The following ARMCX1 variants were observed in gnomAD, a reference collection of about 807,000 sequenced individuals.
ARMCX1 encodes armadillo repeat containing X-linked 1.
ARMCX1 carries 4 observed loss-of-function variants against 15.4 expected under a neutral mutation model. The observed-to-expected ratio is 0.26, with a 90% confidence interval of 0.13 to 0.59. The LOEUF (loss-of-function observed/expected upper bound fraction) is 0.59. Ranked by LOEUF, ARMCX1 falls within the 20% of genes least tolerant of loss-of-function variation. The pLI is 0.89. For missense variants in ARMCX1, 273 were observed against 337.1 expected (o/e 0.81, Z 1.49); for synonymous variants, 144 against 130.5 (o/e 1.10, Z -0.71).
rs1935404529 is a variant in ARMCX1, at chrX:101,553,393, A to T, written c.463A>T (p.Thr155Ser). 8.4e-7 allele frequency: 1 copy of T among 1,189,462 alleles called. No individual in the cohort carries two copies. The highest frequency in any genetic ancestry group is 3.0e-5 in the East Asian group (1 of 33,676). Residue 155 changes from threonine (T) to serine (S), a missense_variant, in exon 4 of 4, where the codon ACC (threonine) becomes TCC (serine). Thr to Ser is a moderately conservative substitution (Grantham distance 58). Coordinates refer to ENST00000372829, the MANE Select transcript of ARMCX1 (RefSeq NM_016608.2). ...PGGRGGGCHP[T>S]RSGSRAGGRA... ...AGGCAGGGGTGGAGGCTGCCACCCC[A>T]CCAGGAGTGGATCTAGGGCCGGGGG...
chrX:101,554,289 C>T lies in ARMCX1; in HGVS notation c.1359C>T (p.Leu453=). The change falls in exon 4 of 4, where the codon CTC becomes CTT. Residue 453 remains leucine, a synonymous_variant. Transcript: ENST00000372829. ...AAGTCCTGAAAGTATTAACCAAACT[C>T]TAATTTGGAGTCTGTCCCAAACAAT... ...KVKVLKVLTK[L] 8.5e-7 allele frequency: 1 copy of T among 1,174,749 alleles called. No individual in the cohort carries two copies. The highest frequency in any genetic ancestry group is 1.1e-6 in the Non-Finnish European group (1 of 880,366).
intron 2 of ARMCX1, 118 bp from the exon 3 acceptor site, chrX:101,551,451 A>G (rs1556026924): frequency 9.0e-6 from 1 of 111,358 alleles, no homozygotes; most frequent in Admixed American, 9.5e-5. Flanking sequence ...GAGAAACAAA[A>G]AGGTAAAATC....
Position 101,553,958 on chromosome X carries a change from C to T in ARMCX1, c.1028C>T (p.Thr343Ile), listed in dbSNP as rs1935408993. 8.3e-7 allele frequency: 1 copy of T among 1,208,272 alleles called. No individual in the cohort carries two copies. Among genetic ancestry groups the T allele is most frequent in the Non-Finnish European group, 1.1e-6 (1 of 894,357 alleles). The change falls in exon 4 of 4, where the codon ACC becomes ATC. Residue 343 changes from threonine (T) to isoleucine (I), a missense_variant. By Grantham distance (89) the Thr-to-Ile change is moderately conservative (BLOSUM62 -1). This residue lies in a region of ARMCX1 where 126 missense variants were observed against 193.6 expected (regional missense o/e 0.65). Transcript: ENST00000372829. ...TTGTTATTCCTGGGAAATCACTTCA[C>T]CAAGATACAGATTATGAAACTAATT... ...FALLFLGNHF[T>I]KIQIMKLIIN...
chrX:101,552,968 G>C lies in ARMCX1; in HGVS notation c.38G>C (p.Gly13Ala). ...RTREAGCVAA[G>A]VVIGAGACYC... ...CGGGAAGCTGGCTGCGTGGCCGCTG[G>C]TGTGGTTATCGGGGCTGGTGCCTGC... Residue 13 changes from glycine (G) to alanine (A), a missense_variant, in exon 4 of 4, where the codon GGT (glycine) becomes GCT (alanine). Physicochemically the swap from Gly to Ala is moderately conservative, Grantham distance 60 (BLOSUM62 0). This residue lies in a region of ARMCX1 where 147 missense variants were observed against 143.5 expected (regional missense o/e 1.02). Transcript: ENST00000372829. 7 of 1,211,855 alleles carry C rather than the reference G, an allele frequency of 5.8e-6. No individual in the cohort carries two copies. Among genetic ancestry groups the C allele is most frequent in the Non-Finnish European group, 7.8e-6 (7 of 895,495 alleles).
In ARMCX1 at chrX:101,553,941, C is replaced by G. The variant is rs1935408934; in HGVS notation, c.1011C>G (p.Phe337Leu). 8.3e-7 allele frequency: 1 copy of G among 1,210,003 alleles called. No individual in the cohort carries two copies. The highest frequency in any genetic ancestry group is 1.8e-5 in the South Asian group (1 of 56,585). The change falls in exon 4 of 4, where the codon TTC becomes TTG. Residue 337 changes from phenylalanine (F) to leucine (L), a missense_variant. Physicochemically the swap from Phe to Leu is conservative, Grantham distance 22. Transcript: ENST00000372829. ...YSFPDFFALLFLGNHFTKIQI... is the reference protein window; with the variant it reads ...YSFPDFFALLLLGNHFTKIQI... ...TTCCAGACTTTTTTGCTTTGTTATTCCTGGGAAATCACTTCACCAAGATAC... is the reference window on the plus strand; with the variant it reads ...TTCCAGACTTTTTTGCTTTGTTATTGCTGGGAAATCACTTCACCAAGATAC...
At position 101,554,379 on chromosome X, in the gene ARMCX1, G is replaced by A; in HGVS notation, c.*87G>A. 2 of 919,292 alleles carry A rather than the reference G, an allele frequency of 2.2e-6. No individual in the cohort carries two copies. The highest frequency in any genetic ancestry group is 2.0e-5 in the African/African-American group (1 of 50,530). The allele number at this position is 919,292 out of a possible 1,213,427, so 75.8% of individuals were successfully genotyped here. Reference sequence around the variant, plus strand: ...TCTTTGTTTTTCATTGTGCGTATATGGTAAAGAGATCTTTTCAGCTGCTAT... The same window carrying A: ...TCTTTGTTTTTCATTGTGCGTATATAGTAAAGAGATCTTTTCAGCTGCTAT... On this transcript the variant is annotated 3_prime_UTR_variant, in exon 4 of 4. Coordinates refer to ENST00000372829, the MANE Select transcript of ARMCX1 (RefSeq NM_016608.2).
Position 101,554,361 on chromosome X carries a change from T to G in ARMCX1, c.*69T>G, listed in dbSNP as rs1603235121. On this transcript the variant is annotated 3_prime_UTR_variant, in exon 4 of 4. Transcript: ENST00000372829. ...ACGATGTGATTTGTAAATTCTTTGT[T>G]TTTCATTGTGCGTATATGGTAAAGA... 9.6e-7 allele frequency: 1 copy of G among 1,040,869 alleles called. No individual in the cohort carries two copies. The highest frequency in any genetic ancestry group is 3.0e-5 in the East Asian group (1 of 32,838). The allele number at this position is 1,040,869 out of a possible 1,213,427, so 85.8% of individuals were successfully genotyped here. A position where few individuals can be genotyped will look rare whatever the true frequency, so the allele number is the denominator to read the frequency against.
At chrX:101,552,284 C>T (rs183070830) in intron 3 of ARMCX1, among the ~76,000 whole-genome samples, 68 of 110,438 alleles carry the variant, frequency 6.2e-4, no homozygotes, top group African/African-American at 2.0e-3. Flanking sequence ...TCCAAAGCCG[C>T]AGCTCTGTGA....
In ARMCX1 at chrX:101,554,115, T is replaced by G; in HGVS notation, c.1185T>G (p.Asn395Lys). The change falls in exon 4 of 4, where the codon AAT becomes AAG. Residue 395 changes from asparagine to lysine, a missense_variant. By Grantham distance (94) the Asn-to-Lys change is moderately conservative. Coordinates refer to ENST00000372829, the MANE Select transcript of ARMCX1 (RefSeq NM_016608.2). ...TTAATATCCTTACCCTATTTGAGAATATAAATGACAACATAAAAAATGAAG... is the reference window on the plus strand; with the variant it reads ...TTAATATCCTTACCCTATTTGAGAAGATAAATGACAACATAAAAAATGAAG... Reference protein sequence around the residue: ...ILLNILTLFENINDNIKNEGL... With the variant: ...ILLNILTLFEKINDNIKNEGL... 3 of 1,208,862 alleles carry G rather than the reference T, an allele frequency of 2.5e-6. No homozygotes were observed. The highest frequency in any genetic ancestry group is 3.4e-6 in the Non-Finnish European group (3 of 894,288).
intron 2 of ARMCX1, 132 bp downstream of exon 2, chrX:101,551,156 G>A (rs1285547491): frequency 9.0e-6 from 1 of 110,918 alleles, no homozygotes; most frequent in Non-Finnish European, 1.9e-5. Context: ...AGTAAAAGAG[G>A]ATGTAACAGT....
Position 101,552,252 on chromosome X carries a change from A to G in ARMCX1, c.-122-557A>G, listed in dbSNP as rs782033946. On this transcript the variant is annotated intron_variant, in intron 3 of 3. Transcript: ENST00000372829. Reference sequence around the variant, plus strand: ...GGGTTAGAGGAATCATCGAAGGAGGAAGAGGGAGGGAGATAATGAATTCCA... The same window carrying G: ...GGGTTAGAGGAATCATCGAAGGAGGGAGAGGGAGGGAGATAATGAATTCCA... 7.0e-4 allele frequency among the ~76,000 whole-genome samples: 77 copies of G among 110,441 alleles called. 1 individual carries two copies. Among genetic ancestry groups the G allele is most frequent in the African/African-American group, 1.9e-3 (59 of 30,403 alleles).
intron 2 of ARMCX1, 77 bp downstream of exon 2, chrX:101,551,101 C>G (rs782810245): frequency 3.6e-5 from 4 of 111,194 alleles, no homozygotes; most frequent in African/African-American, 1.3e-4. Context: ...AACTTGGGCC[C>G]TTTACCGACT....
rs1935401825 is a variant in ARMCX1, at chrX:101,553,219, G to A, written c.289G>A (p.Gly97Arg). ...GGGTGTAAAAGAGAAGGCCCATTCA[G>A]GATCCCACAGCGGAGGTGGCCTAGA... ...CPGVKEKAHS[G>R]SHSGGGLEAK... The change falls in exon 4 of 4, where the codon GGA (glycine) becomes AGA (arginine). Residue 97 changes from glycine to arginine, a missense_variant. This residue lies in a region of ARMCX1 where 147 missense variants were observed against 143.5 expected (regional missense o/e 1.02). Coordinates refer to ENST00000372829, the MANE Select transcript of ARMCX1 (RefSeq NM_016608.2). 8.2e-7 allele frequency: 1 copy of A among 1,212,220 alleles called. No homozygotes were observed. The highest frequency in any genetic ancestry group is 1.1e-6 in the Non-Finnish European group (1 of 895,609).
In ARMCX1 at chrX:101,552,850, C is replaced by T; in HGVS notation, c.-81C>T. ...GCCGGCCCGCAGTAGCTGCAGACTC[C>T]GCCCGCGACGTGTGCGCGCTTCTCT... is the stretch of plus-strand genomic sequence containing the variant. On this transcript the variant is annotated 5_prime_UTR_variant, in exon 4 of 4. Transcript: ENST00000372829. 1 of 1,100,069 alleles carries T rather than the reference C, an allele frequency of 9.1e-7. No homozygotes were observed. The highest frequency in any genetic ancestry group is 1.2e-6 in the Non-Finnish European group (1 of 826,319). 90.7% of individuals were successfully genotyped at this position (1,100,069 alleles called of 1,213,427 possible). A position where few individuals can be genotyped will look rare whatever the true frequency, so the allele number is the denominator to read the frequency against.
In ARMCX1 at chrX:101,553,887, T is replaced by A; in HGVS notation, c.957T>A (p.Asn319Lys). ...LRLLTNMTVT[N>K]HYQHLLSYSF... ...TGTTAACCAACATGACTGTGACTAA[T>A]CATTACCAACATTTGCTTTCCTATT... is the stretch of plus-strand genomic sequence containing the variant. Residue 319 changes from asparagine to lysine, a missense_variant, in exon 4 of 4, where the codon AAT (asparagine) becomes AAA (lysine). Around this residue, in one of 2 missense-constraint regions of ARMCX1, gnomAD observed 126 missense variants for 193.6 expected, o/e 0.65. Coordinates refer to ENST00000372829, the MANE Select transcript of ARMCX1 (RefSeq NM_016608.2). 8.3e-7 allele frequency: 1 copy of A among 1,211,904 alleles called. No homozygotes were observed. Among genetic ancestry groups the A allele is most frequent in the Non-Finnish European group, 1.1e-6 (1 of 895,552 alleles).
At chrX:101,552,250 G>A (rs975967354) in intron 3 of ARMCX1, among the ~76,000 whole-genome samples, 3 of 110,993 alleles carry the variant, frequency 2.7e-5, no homozygotes, top group Non-Finnish European at 3.8e-5. Context: ...CATCGAAGGA[G>A]GAAGAGGGAG....
rs1556027473 is a variant in ARMCX1 at position 101,553,878 on chromosome X, T to C, written c.948T>C (p.Thr316=). 2 of 1,211,946 alleles carry C rather than the reference T, an allele frequency of 1.7e-6. No individual in the cohort carries two copies. The highest frequency in any genetic ancestry group is 2.2e-6 in the Non-Finnish European group (2 of 895,552). ...MAGLRLLTNM[T]VTNHYQHLLS... The stretch of plus-strand genomic sequence containing the variant: ...GGCTAAGACTGTTAACCAACATGAC[T>C]GTGACTAATCATTACCAACATTTGC... The change falls in exon 4 of 4, where the codon ACT becomes ACC. Residue 316 remains threonine, a synonymous_variant. Transcript: ENST00000372829.
chrX:101,554,055 C>T lies in ARMCX1; in HGVS notation c.1125C>T (p.Ser375=), dbSNP rs372192287. ...GTAAAGTACCATCAGAATTGATTTC[C>T]CTCTTTAATAAAGAATGGGATAGAG... ...VSCKVPSELI[S]LFNKEWDREI... The change falls in exon 4 of 4, where the codon TCC becomes TCT. Residue 375 remains serine (S), a synonymous_variant. Coordinates refer to ENST00000372829, the MANE Select transcript of ARMCX1 (RefSeq NM_016608.2). 93 of 1,208,807 alleles carry T rather than the reference C, an allele frequency of 7.7e-5. No homozygotes were observed. Among genetic ancestry groups the T allele is most frequent in the Non-Finnish European group, 1.0e-4 (90 of 894,242 alleles).
chrX:101,552,977 TC>T lies in ARMCX1; in HGVS notation c.48del (p.Ile16MetfsTer40). ...EAGCVAAGVV[I>X]GAGACYCVYR... Reference sequence around the variant, plus strand: ...GGCTGCGTGGCCGCTGGTGTGGTTATCGGGGCTGGTGCCTGCTACTGTGTAT... The same window carrying T: ...GGCTGCGTGGCCGCTGGTGTGGTTATGGGGCTGGTGCCTGCTACTGTGTAT... On this transcript the variant is annotated frameshift_variant, in exon 4 of 4. Coordinates refer to ENST00000372829, the MANE Select transcript of ARMCX1 (RefSeq NM_016608.2). LOFTEE classifies it high-confidence loss of function. 8.3e-7 allele frequency: 1 copy of T among 1,211,542 alleles called. No homozygotes were observed. Among genetic ancestry groups the T allele is most frequent in the Non-Finnish European group, 1.1e-6 (1 of 895,419 alleles).
Sources: gnomAD v4.1 joint callset for allele counts (sites outside exome capture counted in the v4.1 genomes callset) on GRCh38, gnomAD v4.1.1 for gene constraint, gnomAD v4.1.1 regional missense constraint, MANE v1.5 for transcripts, NCBI Gene and HGNC (gene_info 2026-07-23, HGNC 2026-07-21) for gene names.